Variants in TMEM132C observed in about 807,000 individuals in gnomAD.
The protein encoded by TMEM132C is transmembrane protein 132C.
TMEM132C carries 29 observed loss-of-function variants against 61.4 expected under a neutral mutation model. The observed-to-expected ratio is 0.47, with a 90% CI of 0.35 to 0.64. The LOEUF is 0.64. Ranked by LOEUF, TMEM132C falls within the 30% of genes least tolerant of loss-of-function variation. The pLI is 0.00. For synonymous variants in TMEM132C, 656 were observed against 633.1 expected, an observed-to-expected ratio of 1.04 and a Z score of -0.54; for missense variants, 1,408 against 1,476.9, an observed-to-expected ratio of 0.95 and a Z score of 0.76.
intron 4 of TMEM132C, among the ~76,000 whole-genome samples, chr12:128,667,370 C>T (rs899646095): frequency 1.3e-5 from 2 of 152,108 alleles, no homozygotes; most frequent in African/African-American, 2.4e-5. Context: ...TGTAATGAAC[C>T]TGAAAATAGA....
chr12:128,617,799 G>A (rs1876862069), intron 4 of TMEM132C, among the ~76,000 whole-genome samples: 1 of 152,196 alleles, frequency 6.6e-6, no homozygotes, highest in South Asian at 2.1e-4. Context: ...ACAGATGCTG[G>A]TCAGACAAAA....
At chr12:128,633,349 CAG>C (rs1396121239) in intron 4 of TMEM132C, among the ~76,000 whole-genome samples, 1 of 152,162 alleles carries the variant, frequency 6.6e-6, no homozygotes, top group Non-Finnish European at 1.5e-5. Context: ...TTACTGAGGA[CAG>C]GGATTACTGG....
chr12:128,605,177 A>T (rs1190726549), intron 3 of TMEM132C, among the ~76,000 whole-genome samples: 1 of 152,124 alleles, frequency 6.6e-6, no homozygotes, highest in East Asian at 1.9e-4. Context: ...GAGTTGGCTC[A>T]TGCAATTATA....
rs542211347 is a variant in TMEM132C, at chr12:128,614,398, G to A, written c.1122-1754G>A. Among the ~76,000 whole-genome samples, 28 of 152,276 alleles carry A rather than the reference G, an allele frequency of 1.8e-4. 1 individual carries two copies. Among genetic ancestry groups the A allele is most frequent in the Admixed American group, 1.5e-3 (23 of 15,290 alleles). On this transcript the variant is annotated intron_variant, in intron 3 of 8. Transcript: ENST00000435159. The stretch of plus-strand genomic sequence containing the variant: ...GTGTTACTCACAAAAATAGGCAGCT[G>A]GCTGCATTTGGTTCACAGGACACAG...
chr12:128,514,433 G>C (rs1872658804), intron 2 of TMEM132C, among the ~76,000 whole-genome samples: 1 of 152,030 alleles, frequency 6.6e-6, no homozygotes, highest in South Asian at 2.1e-4. Context: ...TTTGCCCAAG[G>C]CCAGATACTG....
rs536377855 is a variant in TMEM132C, at chr12:128,562,364, C to T, written c.1121+18261C>T. On this transcript the variant is annotated intron_variant, in intron 3 of 8. Transcript: ENST00000435159. ...ACTTCTTTTCTCAAAGACATCATGA[C>T]AGGTTGTTCCGTAAGGCTGTTCTCC... is the stretch of plus-strand genomic sequence containing the variant. Among the ~76,000 whole-genome samples the T allele has an allele frequency of 3.0e-4, 45 of 152,352 alleles. No homozygotes were observed. The South Asian group carries it at 9.3e-3, about 32-fold the overall frequency.
At chr12:128,579,241 G>A (rs1049386913) in intron 3 of TMEM132C, among the ~76,000 whole-genome samples, 1 of 152,224 alleles carries the variant, frequency 6.6e-6, no homozygotes, top group Non-Finnish European at 1.5e-5. Flanking sequence ...CCCTTGCTCT[G>A]CCCTCCCTAC....
At chr12:128,585,061 G>T (rs545249374) in intron 3 of TMEM132C, among the ~76,000 whole-genome samples, 1 of 152,324 alleles carries the variant, frequency 6.6e-6, no homozygotes, top group African/African-American at 2.4e-5. Context: ...TTCACTGGGG[G>T]CTACAATGAA....
chr12:128,330,224 A>G (rs531353406), intron 1 of TMEM132C, among the ~76,000 whole-genome samples: 9 of 152,190 alleles, frequency 5.9e-5, no homozygotes, highest in Non-Finnish European at 8.8e-5. Flanking sequence ...ATGTGCACAT[A>G]AAGCCCCAGT....
intron 1 of TMEM132C, among the ~76,000 whole-genome samples, chr12:128,321,321 C>T (rs1872326867): frequency 6.6e-6 from 1 of 152,124 alleles, no homozygotes; most frequent in Non-Finnish European, 1.5e-5. Flanking sequence ...ACTGTCGATA[C>T]TCACAGCAAC....
chr12:128,464,505 T>C (rs1236128193), intron 2 of TMEM132C, among the ~76,000 whole-genome samples: 3 of 152,112 alleles, frequency 2.0e-5, no homozygotes, highest in Non-Finnish European at 4.4e-5. Context: ...CCCAGGACTT[T>C]GGGAGGCTGA....
intron 1 of TMEM132C, among the ~76,000 whole-genome samples, chr12:128,289,858 A>G (rs1349337888): frequency 6.6e-6 from 1 of 152,220 alleles, no homozygotes; most frequent in Non-Finnish European, 1.5e-5. Context: ...ATCAAGCTAA[A>G]TACATAACTG....
At chr12:128,483,370 C>G (rs181145852) in intron 2 of TMEM132C, among the ~76,000 whole-genome samples, 1 of 91,718 alleles carries the variant, frequency 1.1e-5, no homozygotes, top group African/African-American at 4.3e-5. Flanking sequence ...GACAAGCAGC[C>G]GAAGGGGCCA....
intron 3 of TMEM132C, among the ~76,000 whole-genome samples, chr12:128,613,448 C>A (rs1359380642): frequency 6.6e-6 from 1 of 152,214 alleles, no homozygotes; most frequent in Admixed American, 6.5e-5. Flanking sequence ...TGGTCAAGAA[C>A]CACCTGTGGG....
intron 4 of TMEM132C, among the ~76,000 whole-genome samples, chr12:128,658,812 C>G (rs189880706): frequency 5.9e-5 from 9 of 152,334 alleles, no homozygotes; most frequent in Admixed American, 5.2e-4. Context: ...ACATGCAATG[C>G]AAATTATCAA....
chr12:128,582,485 A>G (rs2135560301), intron 3 of TMEM132C, among the ~76,000 whole-genome samples: 1 of 140,446 alleles, frequency 7.1e-6, no homozygotes, highest in Middle Eastern at 3.9e-3. Context: ...CTGTGTCCCC[A>G]CCCAAATCTC....
At position 128,358,530 on chromosome 12, in the gene TMEM132C, G is replaced by C. The variant is rs982569927; in HGVS notation, c.86-56202G>C. 4.2e-3 allele frequency among the ~76,000 whole-genome samples: 121 copies of C among 29,054 alleles called. 1 individual carries two copies. The highest frequency in any genetic ancestry group is 0.011 in the African/African-American group (113 of 10,588). The allele number at this position is 29,054 out of a possible 152,430, so 19.1% of individuals were successfully genotyped here. ...GTGTGTGTGTGTGTGTGTGTGTCTA[G>C]TGCATGTGCGCCTGAACTTCCTAAA... On this transcript the variant is annotated intron_variant, in intron 1 of 8. Transcript: ENST00000435159.
intron 3 of TMEM132C, among the ~76,000 whole-genome samples, chr12:128,553,795 C>A (rs1874247684): frequency 6.6e-6 from 1 of 152,162 alleles, no homozygotes; most frequent in Non-Finnish European, 1.5e-5. Context: ...GCCTTCACAC[C>A]CAACATAGAA....
intron 6 of TMEM132C, among the ~76,000 whole-genome samples, chr12:128,694,849 G>T (rs1271836388): frequency 6.6e-6 from 1 of 152,218 alleles, no homozygotes; most frequent in African/African-American, 2.4e-5. Flanking sequence ...CAATGAGTTT[G>T]TTCCACATCC....
Sources: gnomAD v4.1 joint callset for allele counts (sites outside exome capture counted in the v4.1 genomes callset) on GRCh38, gnomAD v4.1.1 for gene constraint, MANE v1.5 for transcripts, NCBI Gene and HGNC (gene_info 2026-07-23, HGNC 2026-07-21) for gene names.